Variants in ZNF578 observed in about 807,000 individuals in gnomAD.
ZNF578 encodes Putative chemokine-related protein B42.
Under a neutral mutation model 8.3 loss-of-function variants are expected in ZNF578, and 8 were observed. The ratio of observed to expected loss-of-function variants is 0.96; its 90% confidence interval spans 0.56 to 1.74. ZNF578 has a LOEUF of 1.74. ZNF578 is among the 40% of genes most tolerant of loss of function. ZNF578 has a pLI of 0.00. For synonymous variants in ZNF578, 206 were observed against 232.2 expected (o/e 0.89, Z 1.03); for missense variants, 726 against 707.5 (o/e 1.03, Z -0.30).
chr19:52,510,424 G>A, intron 5 of ZNF578, 148 bp from the exon 6 acceptor site: 1 of 1,134,266 alleles, frequency 8.8e-7, no homozygotes. Flanking sequence ...ATTTATTAAA[G>A]AATCTTACTA....
intron 3 of ZNF578, among the ~76,000 whole-genome samples, chr19:52,494,468 G>T (rs967205663): frequency 6.6e-6 from 1 of 152,248 alleles, no homozygotes; most frequent in Non-Finnish European, 1.5e-5. Context: ...CTGTACTCCA[G>T]CCTGGTCAAA....
intron 4 of ZNF578, among the ~76,000 whole-genome samples, chr19:52,503,761 A>T (rs1276637503): frequency 6.6e-6 from 1 of 150,624 alleles, no homozygotes; most frequent in Non-Finnish European, 1.5e-5. Flanking sequence ...TATGTTGAAC[A>T]TAATATCTGA....
chr19:52,512,238 G>T lies in ZNF578; in HGVS notation c.*84G>T. The T allele has an allele frequency of 6.2e-7, 1 of 1,602,108 alleles. No individual in the cohort carries two copies. On this transcript the variant is annotated 3_prime_UTR_variant, in exon 6 of 6. Transcript: ENST00000421239. ...AGATCACGCCTTAAAAGACATAGGA[G>T]AATTCATACTGGAGAGAAACCTTAC...
At position 52,515,146 on chromosome 19, in the gene ZNF578, G is replaced by A. The variant is rs1213214851; in HGVS notation, c.*2992G>A. ...TCCCGGCTCATTTTTTGCATTTTTA[G>A]TAGAGACAGGGTTTCATCATGTTGG... On this transcript the variant is annotated 3_prime_UTR_variant, in exon 6 of 6. Coordinates refer to ENST00000421239, the MANE Select transcript of ZNF578 (RefSeq NM_001099694.2). 6.6e-6 allele frequency among the ~76,000 whole-genome samples: 1 copy of A among 151,640 alleles called. No individual in the cohort carries two copies. The highest frequency in any genetic ancestry group is 2.4e-5 in the African/African-American group (1 of 41,240).
Position 52,512,071 on chromosome 19 carries a change from G to A in ZNF578, c.1690G>A (p.Glu564Lys), listed in dbSNP as rs1450296043. 6.2e-7 allele frequency: 1 copy of A among 1,613,680 alleles called. No homozygotes were observed. The highest frequency in any genetic ancestry group is 1.1e-5 in the South Asian group (1 of 91,058). Reference protein sequence around the residue: ...LANHTRIHSGEKPYKCNECGK... With the variant: ...LANHTRIHSGKKPYKCNECGK... ...AAACCATACTAGAATTCATAGCGGAGAGAAACCTTACAAGTGTAATGAGTG... is the reference window on the plus strand; with the variant it reads ...AAACCATACTAGAATTCATAGCGGAAAGAAACCTTACAAGTGTAATGAGTG... Residue 564 changes from glutamate to lysine, a missense_variant, in exon 6 of 6, where the codon GAG (glutamate) becomes AAG (lysine). By Grantham distance (56) the Glu-to-Lys change is moderately conservative. Coordinates refer to ENST00000421239, the MANE Select transcript of ZNF578 (RefSeq NM_001099694.2).
chr19:52,491,337 A>G lies in ZNF578; in HGVS notation c.-108A>G, dbSNP rs2059364362. ...TATATTTTGTAGATATCTCTTCCAA[A>G]TGCATGATGAAAAAGGTGGGAAGAT... On this transcript the variant is annotated 5_prime_UTR_variant, in exon 3 of 6. An upstream start codon of the reference 5' UTR is lost. Coordinates refer to ENST00000421239, the MANE Select transcript of ZNF578 (RefSeq NM_001099694.2). 1 of 260,572 alleles carries G rather than the reference A, an allele frequency of 3.8e-6. No individual in the cohort carries two copies. Among genetic ancestry groups the G allele is most frequent in the Admixed American group, 3.8e-5 (1 of 26,066 alleles). The allele number at this position is 260,572 out of a possible 1,614,324, so 16.1% of individuals were successfully genotyped here.
chr19:52,476,836 C>T (rs917292061), intron 2 of ZNF578, among the ~76,000 whole-genome samples: 7 of 152,206 alleles, frequency 4.6e-5, no homozygotes, highest in Admixed American at 2.0e-4. Context: ...CACATCAGCT[C>T]CTGTGTCCAT....
At chr19:52,504,210 C>G (rs1387160766) in intron 4 of ZNF578, among the ~76,000 whole-genome samples, 3 of 151,992 alleles carry the variant, frequency 2.0e-5, no homozygotes, top group Non-Finnish European at 4.4e-5. Context: ...CCTGCCTCAG[C>G]CTCCTGTGTA....
chr19:52,515,850 A>C lies in ZNF578; in HGVS notation c.*3696A>C, dbSNP rs1358143582. Among the ~76,000 whole-genome samples, 1 of 152,110 alleles carries C rather than the reference A, an allele frequency of 6.6e-6. No individual in the cohort carries two copies. The highest frequency in any genetic ancestry group is 1.5e-5 in the Non-Finnish European group (1 of 68,022). Reference sequence around the variant, plus strand: ...AATAGAGGTAGACTCAGACACAGAGACCATCTTCAAGGCCTTTCTCTGTAT... The same window carrying C: ...AATAGAGGTAGACTCAGACACAGAGCCCATCTTCAAGGCCTTTCTCTGTAT... On this transcript the variant is annotated 3_prime_UTR_variant, in exon 6 of 6. Coordinates refer to ENST00000421239, the MANE Select transcript of ZNF578 (RefSeq NM_001099694.2).
chr19:52,512,390 C>G lies in ZNF578; in HGVS notation c.*236C>G. 1 of 1,483,044 alleles carries G rather than the reference C, an allele frequency of 6.7e-7. No homozygotes were observed. Among genetic ancestry groups the G allele is most frequent in the Non-Finnish European group, 9.4e-7 (1 of 1,063,218 alleles). 91.9% of individuals were successfully genotyped at this position (1,483,044 alleles called of 1,614,324 possible). On this transcript the variant is annotated 3_prime_UTR_variant, in exon 6 of 6. Transcript: ENST00000421239. ...GTCTTCAGTAACGCTACAACGATTG[C>G]AAATCATTGGAGAATCCATAATGAA...
rs147201858 is a variant in ZNF578 at position 52,515,118 on chromosome 19, C to G, written c.*2964C>G. 4.4e-3 allele frequency among the ~76,000 whole-genome samples: 672 copies of G among 151,790 alleles called. 5 individuals carry two copies. The highest frequency in any genetic ancestry group is 0.015 in the African/African-American group (637 of 41,360). ...AGTTGGGATTACAGGTGCCCTCCAC[C>G]ACTCCCGGCTCATTTTTTGCATTTT... On this transcript the variant is annotated 3_prime_UTR_variant, in exon 6 of 6. Coordinates refer to ENST00000421239, the MANE Select transcript of ZNF578 (RefSeq NM_001099694.2).
In ZNF578 at chr19:52,512,033, ATTC is replaced by A; in HGVS notation, c.1655_1657del (p.Ser552del). ...GTTTGTGACAAGGCTTTCATGTGCC[ATTC>A]TTATCTGGCAAACCATACTAGAATT... is the stretch of plus-strand genomic sequence containing the variant. On this transcript the variant is annotated inframe_deletion, in exon 6 of 6. Coordinates refer to ENST00000421239, the MANE Select transcript of ZNF578 (RefSeq NM_001099694.2). 1 of 1,614,054 alleles carries A rather than the reference ATTC, an allele frequency of 6.2e-7. No homozygotes were observed. Among genetic ancestry groups the A allele is most frequent in the Non-Finnish European group, 8.5e-7 (1 of 1,179,998 alleles).
chr19:52,485,395 T>G (rs1214273324), intron 2 of ZNF578, among the ~76,000 whole-genome samples: 1 of 152,286 alleles, frequency 6.6e-6, no homozygotes, highest in South Asian at 2.1e-4. Context: ...CTTATTCTGA[T>G]GGGATGGAAC....
In ZNF578 at chr19:52,511,198, T is replaced by A; in HGVS notation, c.817T>A (p.Tyr273Asn). 1 of 1,614,238 alleles carries A rather than the reference T, an allele frequency of 6.2e-7. No homozygotes were observed. Residue 273 changes from tyrosine to asparagine, a missense_variant, in exon 6 of 6, where the codon TAC becomes AAC. By Grantham distance (143) the Tyr-to-Asn change is moderately radical. Transcript: ENST00000421239. ...ICGKVFNEKR[Y>N]LARHRRCHTS... ...TGGCAAAGTCTTTAATGAGAAGCGA[T>A]ACCTTGCACGCCATCGTAGATGTCA... is the stretch of plus-strand genomic sequence containing the variant.
chr19:52,474,943 G>A (rs772419437), intron 2 of ZNF578: 21 of 187,780 alleles, frequency 1.1e-4, no homozygotes, highest in Non-Finnish European at 2.2e-4. Context: ...TGTGAATTGC[G>A]ACTAAAGACT....
rs59166209 is a variant in ZNF578 at position 52,503,800 on chromosome 19, C to CTTTTT, written c.64-843_64-839dup. Among the ~76,000 whole-genome samples the CTTTTT allele has an allele frequency of 1.1e-3, 134 of 125,498 alleles. 1 individual carries two copies. In the East Asian group the frequency reaches 0.016, roughly 15 times the overall value. The allele number at this position is 125,498 out of a possible 152,430, so 82.3% of individuals were successfully genotyped here. A position where few individuals can be genotyped will look rare whatever the true frequency, so the allele number is the denominator to read the frequency against. ...GTCTGTAGAGAAAACCCTGTGTTTG[C>CTTTTT]TTTTTTTTTTTTTTTTGAGATGGAG... On this transcript the variant is annotated intron_variant, in intron 4 of 5. Coordinates refer to ENST00000421239, the MANE Select transcript of ZNF578 (RefSeq NM_001099694.2).
rs541920781 is a variant in ZNF578 at position 52,516,576 on chromosome 19, C to G, written c.*4422C>G. Among the ~76,000 whole-genome samples the G allele has an allele frequency of 2.0e-5, 3 of 152,290 alleles. No homozygotes were observed. The highest frequency in any genetic ancestry group is 6.5e-5 in the Admixed American group (1 of 15,292). ...ATGGCCTGAAGCAACTGAAGATCCACGAAAGAAGTGAAAATACCCTTAAGT... is the reference window on the plus strand; with the variant it reads ...ATGGCCTGAAGCAACTGAAGATCCAGGAAAGAAGTGAAAATACCCTTAAGT... On this transcript the variant is annotated 3_prime_UTR_variant, in exon 6 of 6. Transcript: ENST00000421239.
At chr19:52,466,509 G>T (rs324115) in intron 2 of ZNF578, among the ~76,000 whole-genome samples, 144,813 of 152,208 alleles carry the variant, frequency 0.95, 69,158 homozygotes, top group African/African-American at 0.98. Context: ...TTTTCTCTAT[G>T]TTTTTTAATG....
intron 2 of ZNF578, among the ~76,000 whole-genome samples, chr19:52,467,034 A>G (rs1418450469): frequency 6.7e-6 from 1 of 150,172 alleles, no homozygotes; most frequent in Non-Finnish European, 1.5e-5. Context: ...TTTTTGAGAC[A>G]GAGTCTCGCT....
Sources: allele counts gnomAD v4.1 joint callset (sites outside exome capture counted in the v4.1 genomes callset), GRCh38; gene constraint gnomAD v4.1.1; transcripts MANE v1.5; gene names NCBI Gene and HGNC (gene_info 2026-07-23, HGNC 2026-07-21).